RARB: variants seen among roughly 807,000 people sequenced by gnomAD.
The protein encoded by RARB is HBV-activated protein.
RARB carries 17 observed loss-of-function variants against 51.9 expected under a neutral mutation model. That is an observed-to-expected ratio of 0.33 (90% confidence interval 0.22 to 0.49). The LOEUF (loss-of-function observed/expected upper bound fraction) is 0.49, where lower values mean the gene tolerates loss of function less well. Ranked by LOEUF, RARB falls within the 20% of genes least tolerant of loss-of-function variation. RARB has a pLI of 0.99. For synonymous variants in RARB, 215 were observed against 195.4 expected, an observed-to-expected ratio of 1.10 and a Z score of -0.84; for missense variants, 369 against 550.8, an observed-to-expected ratio of 0.67 and a Z score of 3.30.
chr3:25,355,933 A>G (rs768556473), intron 5 of RARB, among the ~76,000 whole-genome samples: 2 of 152,168 alleles, frequency 1.3e-5, no homozygotes, highest in Admixed American at 6.6e-5. Context: ...AATTAGAAAA[A>G]AAAGTTAAGC....
chr3:24,913,023 C>T (rs1695027445), intron 2 of RARB, among the ~76,000 whole-genome samples: 1 of 107,400 alleles, frequency 9.3e-6, no homozygotes, highest in African/African-American at 3.2e-5. Context: ...CTCTGTCGCT[C>T]AGGCTGGAGT....
chr3:25,256,906 C>G (rs1053855057), intron 5 of RARB, among the ~76,000 whole-genome samples: 2 of 152,082 alleles, frequency 1.3e-5, no homozygotes, highest in South Asian at 4.1e-4. Context: ...GTCTCAGCGT[C>G]TTCTCATTGA....
At chr3:25,313,224 G>A (rs1055788801) in intron 5 of RARB, among the ~76,000 whole-genome samples, 15 of 152,080 alleles carry the variant, frequency 9.9e-5, no homozygotes, top group Non-Finnish European at 7.4e-5. Context: ...TTTCTCTAGG[G>A]TGAGTGACCC....
At chr3:25,096,886 G>A (rs1699302272) in intron 3 of RARB, among the ~76,000 whole-genome samples, 1 of 152,184 alleles carries the variant, frequency 6.6e-6, no homozygotes, top group Non-Finnish European at 1.5e-5. Flanking sequence ...AGTGATATGG[G>A]ATATAAAGTG....
intron 5 of RARB, among the ~76,000 whole-genome samples, chr3:25,329,020 G>T (rs1225086041): frequency 6.6e-6 from 1 of 152,174 alleles, no homozygotes; most frequent in Non-Finnish European, 1.5e-5. Flanking sequence ...AAACAAAGCA[G>T]CCAGGAAGCT....
intron 3 of RARB, among the ~76,000 whole-genome samples, chr3:25,094,788 T>G (rs1459515670): frequency 6.9e-6 from 1 of 144,218 alleles, no homozygotes; most frequent in Non-Finnish European, 1.5e-5. Context: ...GTCACAGGAC[T>G]ACTCAGAATC....
chr3:25,062,012 A>G (rs939412046), intron 3 of RARB, among the ~76,000 whole-genome samples: 1 of 151,836 alleles, frequency 6.6e-6, no homozygotes, highest in Non-Finnish European at 1.5e-5. Context: ...ACTTAAGAAA[A>G]TAATAGTAGA....
chr3:24,996,284 C>G (rs769100935), intron 2 of RARB, among the ~76,000 whole-genome samples: 29 of 151,926 alleles, frequency 1.9e-4, no homozygotes, highest in Non-Finnish European at 3.7e-4. Context: ...CATTGTATTT[C>G]TATGGTATTC....
intron 5 of RARB, among the ~76,000 whole-genome samples, chr3:25,304,261 A>G (rs910257888): frequency 6.6e-6 from 1 of 152,068 alleles, no homozygotes; most frequent in Non-Finnish European, 1.5e-5. Flanking sequence ...TTCTTTATTC[A>G]GTTCTGCTAA....
intron 3 of RARB, among the ~76,000 whole-genome samples, chr3:25,078,644 C>T (rs533576876): frequency 2.6e-5 from 4 of 151,774 alleles, no homozygotes; most frequent in East Asian, 3.9e-4. Context: ...TCAAGCGATT[C>T]TCCTGCCTCA....
chr3:25,487,544 C>T (rs888122067), intron 2 of RARB, among the ~76,000 whole-genome samples: 2 of 151,658 alleles, frequency 1.3e-5, no homozygotes, highest in African/African-American at 2.4e-5. Flanking sequence ...TCTATCCTTC[C>T]CCCATTAAGA....
intron 5 of RARB, among the ~76,000 whole-genome samples, chr3:25,212,128 A>C (rs1701713772): frequency 6.6e-6 from 1 of 152,362 alleles, no homozygotes; most frequent in African/African-American, 2.4e-5. Context: ...AATGAACAAC[A>C]AACCAGCAAT....
At chr3:25,545,685 A>G (rs1699590292) in intron 3 of RARB, among the ~76,000 whole-genome samples, 1 of 152,094 alleles carries the variant, frequency 6.6e-6, no homozygotes, top group African/African-American at 2.4e-5. Flanking sequence ...CTGGGTAGCT[A>G]CAAGCCCACA....
At chr3:24,866,499 C>T (rs1248556762) in intron 2 of RARB, among the ~76,000 whole-genome samples, 1 of 152,126 alleles carries the variant, frequency 6.6e-6, no homozygotes, top group African/African-American at 2.4e-5. Context: ...TGAATTCCAG[C>T]ATGCCACACA....
intron 5 of RARB, among the ~76,000 whole-genome samples, chr3:25,416,135 T>C (rs1167531966): frequency 1.3e-5 from 2 of 152,194 alleles, no homozygotes; most frequent in Non-Finnish European, 2.9e-5. Flanking sequence ...GTCACACCCA[T>C]AATCCCAGCA....
intron 2 of RARB, among the ~76,000 whole-genome samples, chr3:25,480,144 G>A (rs955500944): frequency 6.6e-6 from 1 of 152,128 alleles, no homozygotes; most frequent in Non-Finnish European, 1.5e-5. Context: ...CATAGCCTGG[G>A]TTCAAATCTT....
chr3:24,978,192 G>A (rs1387197560), intron 2 of RARB, among the ~76,000 whole-genome samples: 1 of 151,796 alleles, frequency 6.6e-6, no homozygotes, highest in Admixed American at 6.5e-5. Flanking sequence ...TGTTCAACAG[G>A]GATATTGGCC....
chr3:25,508,973 CT>C (rs1410828645), intron 3 of RARB, among the ~76,000 whole-genome samples: 2 of 152,130 alleles, frequency 1.3e-5, no homozygotes, highest in East Asian at 3.9e-4. Flanking sequence ...CCCATTAACA[CT>C]CAGACTGAAA....
intron 2 of RARB, among the ~76,000 whole-genome samples, chr3:24,882,133 A>T (rs1703179588): frequency 6.6e-6 from 1 of 152,226 alleles, no homozygotes; most frequent in Non-Finnish European, 1.5e-5. Flanking sequence ...GGCAAGACTT[A>T]GGAGATTTAG....
Sources: allele counts gnomAD v4.1 joint callset (sites outside exome capture counted in the v4.1 genomes callset), GRCh38; gene constraint gnomAD v4.1.1; transcripts MANE v1.5; gene names NCBI Gene and HGNC (gene_info 2026-07-23, HGNC 2026-07-21).